The following NPSR1 variants were observed in gnomAD, a reference collection of about 807,000 sequenced individuals.
NPSR1 encodes neuropeptide S receptor.
Under a neutral mutation model 46.9 loss-of-function variants are expected in NPSR1, and 48 were observed. The observed-to-expected ratio is 1.02, with a 90% CI of 0.81 to 1.30. NPSR1 has a LOEUF of 1.30. Among genes scored for constraint, NPSR1 ranks in the 50% most tolerant of loss-of-function variants. NPSR1 has a pLI of 0.00. For missense variants in NPSR1, 450 were observed against 449.5 expected (o/e 1.00, Z -0.01); for synonymous variants, 176 against 168.1 (o/e 1.05, Z -0.36).
At chr7:34,803,443 C>G (rs188808993) in intron 3 of NPSR1, among the ~76,000 whole-genome samples, 34 of 152,112 alleles carry the variant, frequency 2.2e-4, no homozygotes, top group African/African-American at 8.2e-4. Context: ...TGGAAATCAT[C>G]ATTCTCAGTA....
At chr7:34,869,156 C>T (rs1791392073) in intron 8 of NPSR1, among the ~76,000 whole-genome samples, 1 of 151,760 alleles carries the variant, frequency 6.6e-6, no homozygotes, top group South Asian at 2.1e-4. Flanking sequence ...AGGGCTGCCA[C>T]AGTATGGTAG....
intron 2 of NPSR1, among the ~76,000 whole-genome samples, chr7:34,733,288 C>T (rs1045187629): frequency 3.3e-5 from 5 of 152,128 alleles, no homozygotes; most frequent in Admixed American, 1.3e-4. Context: ...GGCACGATGG[C>T]GGTTGCCTGT....
chr7:34,667,331 G>A (rs549422689), intron 1 of NPSR1, among the ~76,000 whole-genome samples: 1 of 152,332 alleles, frequency 6.6e-6, no homozygotes, highest in East Asian at 1.9e-4. Flanking sequence ...GGGAGGAAGA[G>A]TTTTGAGAGA....
At chr7:34,862,224 G>A (rs1418705724) in intron 8 of NPSR1, among the ~76,000 whole-genome samples, 3 of 151,690 alleles carry the variant, frequency 2.0e-5, no homozygotes, top group Non-Finnish European at 4.4e-5. Context: ...CGTAATTGCG[G>A]GAGTGGGAGT....
At chr7:34,756,104 T>C (rs2128726600) in intron 2 of NPSR1, among the ~76,000 whole-genome samples, 1 of 152,254 alleles carries the variant, frequency 6.6e-6, no homozygotes, top group South Asian at 2.1e-4. Context: ...CTGCTAGACA[T>C]GGGGAGGAGA....
intron 2 of NPSR1, among the ~76,000 whole-genome samples, chr7:34,688,228 G>T (rs1449472532): frequency 6.6e-6 from 1 of 152,088 alleles, no homozygotes; most frequent in East Asian, 1.9e-4. Flanking sequence ...GAGGAAGAAG[G>T]CATTATCCCA....
At chr7:34,699,027 A>G (rs1473665935) in intron 2 of NPSR1, among the ~76,000 whole-genome samples, 1 of 152,246 alleles carries the variant, frequency 6.6e-6, no homozygotes, top group East Asian at 1.9e-4. Context: ...CAAGATAAGC[A>G]CATATTCATA....
At chr7:34,874,148 T>C (rs1165692110) in intron 8 of NPSR1, among the ~76,000 whole-genome samples, 5 of 148,808 alleles carry the variant, frequency 3.4e-5, no homozygotes, top group African/African-American at 5.2e-5. Flanking sequence ...CTCTTGGAAC[T>C]AGAGGACGGT....
Position 34,676,705 on chromosome 7 carries a change from G to C in NPSR1, c.148-7847G>C, listed in dbSNP as rs148498969. 5.0e-3 allele frequency among the ~76,000 whole-genome samples: 756 copies of C among 152,306 alleles called. 3 individuals carry two copies. The highest frequency in any genetic ancestry group is 8.4e-3 in the Non-Finnish European group (569 of 68,028). On this transcript the variant is annotated intron_variant, in intron 1 of 8. Coordinates refer to ENST00000360581, the MANE Select transcript of NPSR1 (RefSeq NM_207172.2). ...TCTTGTAGCACCAACGCCTTACACT[G>C]TGTCTGGCATAGAGTAGGAAATTAA...
intron 1 of NPSR1, among the ~76,000 whole-genome samples, chr7:34,681,284 G>A (rs887595172): frequency 6.6e-6 from 1 of 152,138 alleles, no homozygotes; most frequent in African/African-American, 2.4e-5. Flanking sequence ...CAGCTGGCAG[G>A]GGCCATAGAA....
intron 4 of NPSR1, among the ~76,000 whole-genome samples, chr7:34,815,579 A>G (rs1562750873): frequency 6.6e-6 from 1 of 152,182 alleles, no homozygotes; most frequent in Admixed American, 6.5e-5. Context: ...CACCACAAAG[A>G]TACTCCTCGA....
chr7:34,713,651 C>T (rs560621433), intron 2 of NPSR1, among the ~76,000 whole-genome samples: 1 of 152,166 alleles, frequency 6.6e-6, no homozygotes, highest in Non-Finnish European at 1.5e-5. Flanking sequence ...TTTCACTCTC[C>T]TGTGCAGAAG....
intron 2 of NPSR1, among the ~76,000 whole-genome samples, chr7:34,698,821 G>T (rs991317842): frequency 6.6e-5 from 10 of 152,092 alleles, no homozygotes; most frequent in African/African-American, 2.2e-4. Context: ...CTTATATTAG[G>T]ATTTTCTTCT....
intron 1 of NPSR1, among the ~76,000 whole-genome samples, chr7:34,670,610 T>C (rs1486541491): frequency 6.6e-6 from 1 of 151,018 alleles, no homozygotes; most frequent in East Asian, 1.9e-4. Flanking sequence ...TAATAGTATA[T>C]ACATTAATTA....
intron 3 of NPSR1, among the ~76,000 whole-genome samples, chr7:34,796,226 C>A (rs1788164456): frequency 1.3e-5 from 2 of 152,014 alleles, no homozygotes; most frequent in African/African-American, 2.4e-5. Flanking sequence ...GATCTTATAT[C>A]CATGACAAAA....
chr7:34,844,830 T>C (rs557570763), intron 6 of NPSR1, 66 bp from the exon 7 acceptor site: 3 of 1,005,054 alleles, frequency 3.0e-6, no homozygotes, highest in African/African-American at 1.6e-5. Context: ...AATGTTCCTA[T>C]TGGCTGAAAC....
intron 2 of NPSR1, among the ~76,000 whole-genome samples, chr7:34,733,386 T>C (rs1784520607): frequency 7.0e-6 from 1 of 142,438 alleles, no homozygotes; most frequent in Non-Finnish European, 1.5e-5. Flanking sequence ...GCCACTGCAC[T>C]CCACCCTGGG....
chr7:34,813,129 A>G (rs1211076279), intron 4 of NPSR1, among the ~76,000 whole-genome samples: 2 of 152,126 alleles, frequency 1.3e-5, no homozygotes, highest in Non-Finnish European at 2.9e-5. Flanking sequence ...TATGTGATGT[A>G]TATTGTGGCA....
At chr7:34,684,313 C>G (rs1792808581) in intron 1 of NPSR1, among the ~76,000 whole-genome samples, 1 of 152,120 alleles carries the variant, frequency 6.6e-6, no homozygotes, top group Admixed American at 6.5e-5. Flanking sequence ...ATTACCTGAC[C>G]AAAGAATACA....
Sources: allele counts gnomAD v4.1 joint callset (sites outside exome capture counted in the v4.1 genomes callset), GRCh38; gene constraint gnomAD v4.1.1; transcripts MANE v1.5; gene names NCBI Gene and HGNC (gene_info 2026-07-23, HGNC 2026-07-21).